Variants in APOLD1 observed in about 807,000 individuals in gnomAD.
APOLD1 encodes apolipoprotein L domain-containing protein 1.
In APOLD1, 22 loss-of-function variants were observed where a neutral mutation model predicts 15.3. The observed-to-expected ratio is 1.44, with a 90% confidence interval of 1.03 to 2.05. APOLD1 has a LOEUF of 2.05. APOLD1 is among the 30% of genes most tolerant of loss of function. The pLI, the probability that APOLD1 is intolerant of heterozygous loss-of-function variation, is 0.00. For synonymous variants in APOLD1, 190 were observed against 167.4 expected (o/e 1.13, Z -1.04); for missense variants, 394 against 353.5 (o/e 1.11, Z -0.92).
intron 1 of APOLD1, among the ~76,000 whole-genome samples, chr12:12,747,855 C>G (rs1192656314): frequency 1.3e-5 from 2 of 152,144 alleles, no homozygotes; most frequent in Non-Finnish European, 2.9e-5. Context: ...GAGGGATTGG[C>G]CTTGGCGCTG....
intron 1 of APOLD1, among the ~76,000 whole-genome samples, chr12:12,732,562 T>A (rs772526752): frequency 6.6e-5 from 10 of 151,548 alleles, no homozygotes; most frequent in Non-Finnish European, 8.8e-5. Context: ...CCGTCTCTAC[T>A]AAAAGTACAA....
At chr12:12,746,980 T>C (rs1946771548) in intron 1 of APOLD1, among the ~76,000 whole-genome samples, 1 of 152,244 alleles carries the variant, frequency 6.6e-6, no homozygotes, top group Admixed American at 6.5e-5. Context: ...ATTTCATTCT[T>C]TTTTATGGCT....
chr12:12,726,618 T>G (rs1946595524), intron 1 of APOLD1, among the ~76,000 whole-genome samples: 1 of 152,252 alleles, frequency 6.6e-6, no homozygotes, highest in South Asian at 2.1e-4. Flanking sequence ...TTAGTCTTGC[T>G]GCAGTGTATC....
intron 1 of APOLD1, among the ~76,000 whole-genome samples, chr12:12,735,856 A>T (rs943382371): frequency 6.6e-6 from 1 of 152,178 alleles, no homozygotes; most frequent in Non-Finnish European, 1.5e-5. Context: ...CTGAAGCAGG[A>T]GGATCGCTTG....
chr12:12,729,678 C>T (rs900621125), intron 1 of APOLD1, among the ~76,000 whole-genome samples: 1 of 151,992 alleles, frequency 6.6e-6, no homozygotes, highest in Non-Finnish European at 1.5e-5. Flanking sequence ...GGGGATTGCT[C>T]TATCCCAGGA....
intron 1 of APOLD1, among the ~76,000 whole-genome samples, chr12:12,761,567 T>C (rs1367994188): frequency 1.3e-5 from 2 of 151,688 alleles, no homozygotes; most frequent in Non-Finnish European, 2.9e-5. Context: ...CATAAGCATA[T>C]ACACACACAC....
chr12:12,763,858 T>A (rs1218719254), intron 1 of APOLD1, among the ~76,000 whole-genome samples: 2 of 152,204 alleles, frequency 1.3e-5, no homozygotes, highest in Non-Finnish European at 2.9e-5. Context: ...GTATTATTTT[T>A]AAGTTTTTTT....
rs1477956726 is a variant in APOLD1, at chr12:12,790,887, TAAAC to T, written c.*3241_*3244del. 2 of 152,226 alleles carry T rather than the reference TAAAC, an allele frequency of 1.3e-5. No homozygotes were observed. The highest frequency in any genetic ancestry group is 2.4e-5 in the African/African-American group (1 of 41,452). The allele number at this position is 152,226 out of a possible 1,614,324, so 9.4% of individuals were successfully genotyped here. On this transcript the variant is annotated 3_prime_UTR_variant, in exon 2 of 2. Transcript: ENST00000356591. ...GCTTTTCCTTAAGGCCTTCATTCTTTAAACAAACAGGTTGAAATGGTATGTTGTA... is the reference window on the plus strand; with the variant it reads ...GCTTTTCCTTAAGGCCTTCATTCTTTAAACAGGTTGAAATGGTATGTTGTA...
intron 1 of APOLD1, among the ~76,000 whole-genome samples, chr12:12,745,317 G>A (rs1946757414): frequency 6.6e-6 from 1 of 152,164 alleles, no homozygotes. Context: ...TGAGGCGGGT[G>A]GATCACCTGA....
At position 12,787,050 on chromosome 12, in the gene APOLD1, C is replaced by A. The variant is rs1286858068; in HGVS notation, c.145C>A (p.Arg49Ser). Residue 49 changes from arginine to serine, a missense_variant, in exon 2 of 2, where the codon CGC becomes AGC. Coordinates refer to ENST00000356591, the MANE Select transcript of APOLD1 (RefSeq NM_030817.3). This position sits in a 1 kb window ranked among gnomAD's most constrained non-coding sequence, Gnocchi z 4.9. ...GGTGGCCCGGCGCCTGGAGCGCCTGCGCAGGCGCTCCCTCGTAGCCAACGT... is the reference window on the plus strand; with the variant it reads ...GGTGGCCCGGCGCCTGGAGCGCCTGAGCAGGCGCTCCCTCGTAGCCAACGT... The part of the protein sequence containing the change: ...REVARRLERL[R>S]RRSLVANVAG... 5.1e-6 allele frequency: 7 copies of A among 1,374,338 alleles called. No homozygotes were observed. Among genetic ancestry groups the A allele is most frequent in the Non-Finnish European group, 5.6e-6 (6 of 1,074,352 alleles). The allele number at this position is 1,374,338 out of a possible 1,614,324, so 85.1% of individuals were successfully genotyped here. A position where few individuals can be genotyped will look rare whatever the true frequency, so the allele number is the denominator to read the frequency against.
chr12:12,770,315 G>T (rs1311461377), intron 1 of APOLD1, among the ~76,000 whole-genome samples: 4 of 152,162 alleles, frequency 2.6e-5, no homozygotes, highest in Non-Finnish European at 4.4e-5. Context: ...TGAGGCAAGA[G>T]AATCGCTTGA....
At chr12:12,741,070 G>T (rs1946726772) in intron 1 of APOLD1, among the ~76,000 whole-genome samples, 1 of 151,680 alleles carries the variant, frequency 6.6e-6, no homozygotes, top group South Asian at 2.1e-4. Flanking sequence ...TAACTTTTTT[G>T]TACCTCTTAC....
chr12:12,764,006 A>T (rs1442728655), intron 1 of APOLD1, among the ~76,000 whole-genome samples: 2 of 152,144 alleles, frequency 1.3e-5, no homozygotes, highest in Non-Finnish European at 2.9e-5. Flanking sequence ...TCTGTCACCC[A>T]GGCTGGAGTG....
intron 1 of APOLD1, among the ~76,000 whole-genome samples, chr12:12,777,716 C>T (rs1045847616): frequency 1.3e-4 from 15 of 115,320 alleles, no homozygotes; most frequent in African/African-American, 4.3e-4. Context: ...AAAGGAAATG[C>T]TCACTGCAGC....
intron 1 of APOLD1, chr12:12,726,385 C>G (rs1021407454): frequency 2.0e-6 from 1 of 499,344 alleles, no homozygotes; most frequent in African/African-American, 2.0e-5. Flanking sequence ...TACGGAAATT[C>G]TTTTGATAAA....
chr12:12,731,273 C>G (rs1479506251), intron 1 of APOLD1, among the ~76,000 whole-genome samples: 1 of 152,182 alleles, frequency 6.6e-6, no homozygotes, highest in Non-Finnish European at 1.5e-5. Context: ...TTAATTACTG[C>G]TGATACTACC....
intron 1 of APOLD1, among the ~76,000 whole-genome samples, chr12:12,741,567 G>A (rs956840592): frequency 6.6e-6 from 1 of 152,088 alleles, no homozygotes; most frequent in African/African-American, 2.4e-5. Flanking sequence ...GTGTGAAAAA[G>A]TATAAAAAAT....
Position 12,787,783 on chromosome 12 carries a change from T to C in APOLD1, c.*131T>C. Reference sequence around the variant, plus strand: ...GGCAAAGGATGAGAAAAACTGTTTTTGAAGTGGGCAGGTCCCCAAAGCCCT... The same window carrying C: ...GGCAAAGGATGAGAAAAACTGTTTTCGAAGTGGGCAGGTCCCCAAAGCCCT... On this transcript the variant is annotated 3_prime_UTR_variant, in exon 2 of 2. Transcript: ENST00000356591. The surrounding 1 kb of genome is among the most constrained non-coding windows in gnomAD (Gnocchi z 4.9). The C allele has an allele frequency of 7.4e-7, 1 of 1,348,994 alleles. No individual in the cohort carries two copies. The highest frequency in any genetic ancestry group is 9.9e-7 in the Non-Finnish European group (1 of 1,007,298). The allele number at this position is 1,348,994 out of a possible 1,614,324, so 83.6% of individuals were successfully genotyped here.
intron 1 of APOLD1, among the ~76,000 whole-genome samples, chr12:12,770,844 G>GA (rs1165448453): frequency 1.4e-5 from 2 of 147,718 alleles, no homozygotes; most frequent in Non-Finnish European, 3.0e-5. Flanking sequence ...TTAAGATAAA[G>GA]AAAAAATCCA....
Sources: allele counts gnomAD v4.1 joint callset (sites outside exome capture counted in the v4.1 genomes callset), GRCh38; gene constraint gnomAD v4.1.1; non-coding constraint Gnocchi (gnomAD v3.1); transcripts MANE v1.5; gene names NCBI Gene and HGNC (gene_info 2026-07-23, HGNC 2026-07-21).